Variants in HERPUD2 observed in about 807,000 individuals in gnomAD.
The protein encoded by HERPUD2 is homocysteine-responsive endoplasmic reticulum-resident ubiquitin-like domain member 2 protein.
A neutral mutation model predicts 49.9 loss-of-function variants in HERPUD2; 13 were observed. That is an observed-to-expected ratio of 0.26 (90% CI 0.17 to 0.41). The LOEUF is 0.41. HERPUD2 is among the 10% of genes least tolerant of loss of function. The pLI is 1.00. For missense variants in HERPUD2, 449 were observed against 492.2 expected, an observed-to-expected ratio of 0.91 and a Z score of 0.83; for synonymous variants, 172 against 171.4, an observed-to-expected ratio of 1.00 and a Z score of -0.03.
intron 5 of HERPUD2, among the ~76,000 whole-genome samples, chr7:35,651,129 C>T (rs1785158026): frequency 6.6e-6 from 1 of 152,246 alleles, no homozygotes; most frequent in Non-Finnish European, 1.5e-5. Context: ...CCACCACAGA[C>T]TGCTTGGGAG....
intron 5 of HERPUD2, among the ~76,000 whole-genome samples, chr7:35,657,428 A>T (rs1785298268): frequency 6.6e-6 from 1 of 152,110 alleles, no homozygotes; most frequent in Non-Finnish European, 1.5e-5. Context: ...AAATTAGTAC[A>T]GCCACTATGG....
chr7:35,672,558 G>A (rs566857749), intron 3 of HERPUD2, among the ~76,000 whole-genome samples: 1 of 151,988 alleles, frequency 6.6e-6, no homozygotes, highest in East Asian at 1.9e-4. Flanking sequence ...AAGATCTAAG[G>A]CAAAACAAAG....
chr7:35,686,731 A>AAAC (rs1786058552), intron 2 of HERPUD2, among the ~76,000 whole-genome samples: 1 of 105,330 alleles, frequency 9.5e-6, no homozygotes. Flanking sequence ...AAAAAAAAAA[A>AAAC]AAAAAAAAAA....
Position 35,662,458 on chromosome 7 carries a change from CCT to C in HERPUD2, c.494+4974_494+4975del, listed in dbSNP as rs1004682923. 2.0e-3 allele frequency among the ~76,000 whole-genome samples: 299 copies of C among 152,256 alleles called. 1 individual carries two copies. Among genetic ancestry groups the C allele is most frequent in the African/African-American group, 6.7e-3 (280 of 41,540 alleles). ...AGTTTCAGAAGGAATGGAACCAGCCCCTCTTTGTACCTCTGGTAGAATTCAGC... is the reference window on the plus strand; with the variant it reads ...AGTTTCAGAAGGAATGGAACCAGCCCCTTTGTACCTCTGGTAGAATTCAGC... On this transcript the variant is annotated intron_variant, in intron 5 of 8. Coordinates refer to ENST00000311350, the MANE Select transcript of HERPUD2 (RefSeq NM_022373.5).
chr7:35,673,355 A>G (rs1785684881), intron 2 of HERPUD2, 77 bp from the exon 3 acceptor site: 4 of 1,077,672 alleles, frequency 3.7e-6, no homozygotes, highest in Non-Finnish European at 5.6e-6. Flanking sequence ...ATGCCTAATT[A>G]TGGGTAAAAT....
At position 35,650,239 on chromosome 7, in the gene HERPUD2, G is replaced by A. The variant is rs917850594; in HGVS notation, c.495-11767C>T. Among the ~76,000 whole-genome samples the A allele has an allele frequency of 3.9e-5, 6 of 152,212 alleles. No individual in the cohort carries two copies. The South Asian group carries it at 6.2e-4, about 16-fold the overall frequency. On this transcript the variant is annotated intron_variant, in intron 5 of 8. Coordinates refer to ENST00000311350, the MANE Select transcript of HERPUD2 (RefSeq NM_022373.5). ...TAGAGAAGTGACAGGAAACACCTAC[G>A]GCAAAGAAGGAGAGGGAAGCAAGGC...
intron 2 of HERPUD2, among the ~76,000 whole-genome samples, chr7:35,692,282 A>G (rs1383111095): frequency 6.6e-6 from 1 of 150,764 alleles, no homozygotes; most frequent in Non-Finnish European, 1.5e-5. Context: ...GATAAGGCAG[A>G]CAGGCTTCCC....
intron 5 of HERPUD2, among the ~76,000 whole-genome samples, chr7:35,664,402 T>C (rs962375705): frequency 2.6e-5 from 4 of 152,148 alleles, no homozygotes; most frequent in Admixed American, 6.5e-5. Flanking sequence ...ATCTTTGTGG[T>C]GTTCTCTGTA....
chr7:35,658,189 C>T (rs1422178467), intron 5 of HERPUD2, among the ~76,000 whole-genome samples: 3 of 152,088 alleles, frequency 2.0e-5, no homozygotes, highest in Non-Finnish European at 2.9e-5. Context: ...ACACAAATGG[C>T]ACTGGAGGTC....
At chr7:35,689,007 G>A (rs1314896805) in intron 2 of HERPUD2, among the ~76,000 whole-genome samples, 1 of 152,062 alleles carries the variant, frequency 6.6e-6, no homozygotes, top group Non-Finnish European at 1.5e-5. Context: ...TGGTACACAT[G>A]GCAAACACTT....
In HERPUD2 at chr7:35,633,219, A is replaced by G. The variant is rs1784807836; in HGVS notation, c.*471T>C. The G allele has an allele frequency of 6.6e-6, 1 of 152,240 alleles. No homozygotes were observed. The highest frequency in any genetic ancestry group is 6.6e-5 in the Admixed American group (1 of 15,266). 9.4% of individuals were successfully genotyped at this position (152,240 alleles called of 1,614,324 possible). ...GTAGCTGGGATTACAGGCGCGTGAC[A>G]CCACACCCGGCTAATTTTTTTGTAT... On this transcript the variant is annotated 3_prime_UTR_variant, in exon 9 of 9. Coordinates refer to ENST00000311350, the MANE Select transcript of HERPUD2 (RefSeq NM_022373.5).
At chr7:35,690,326 T>G (rs1187366291) in intron 2 of HERPUD2, among the ~76,000 whole-genome samples, 1 of 152,216 alleles carries the variant, frequency 6.6e-6, no homozygotes, top group African/African-American at 2.4e-5. Flanking sequence ...ACAGCTCAAC[T>G]CCACATCCGA....
chr7:35,665,394 C>T (rs1416317535), intron 5 of HERPUD2, among the ~76,000 whole-genome samples: 3 of 152,218 alleles, frequency 2.0e-5, no homozygotes, highest in Admixed American at 2.0e-4. Context: ...AGCAGGGCTC[C>T]TTGGGCATGG....
rs1029606546 is a variant in HERPUD2 at position 35,667,541 on chromosome 7, G to A, written c.387C>T (p.Thr129=). 6 of 1,613,640 alleles carry A rather than the reference G, an allele frequency of 3.7e-6. No homozygotes were observed. Among genetic ancestry groups the A allele is most frequent in the African/African-American group, 1.3e-5 (1 of 74,878 alleles). The change falls in exon 5 of 9, where the codon ACC becomes ACT. Residue 129 remains threonine, a synonymous_variant. Coordinates refer to ENST00000311350, the MANE Select transcript of HERPUD2 (RefSeq NM_022373.5). ...GSTTPSSGQE[T]LSLAVGSSSE... ...AGGAAGAACCCACAGCTAAAGACAAGGTTTCTTGACCAGATGATGGAGTTG... is the reference window on the plus strand; with the variant it reads ...AGGAAGAACCCACAGCTAAAGACAAAGTTTCTTGACCAGATGATGGAGTTG...
At chr7:35,679,304 T>C (rs1461942292) in intron 2 of HERPUD2, among the ~76,000 whole-genome samples, 1 of 152,334 alleles carries the variant, frequency 6.6e-6, no homozygotes, top group East Asian at 1.9e-4. Flanking sequence ...CTAGCACATA[T>C]TGTATTTAAC....
chr7:35,646,878 G>A (rs1279937365), intron 5 of HERPUD2, among the ~76,000 whole-genome samples: 2 of 151,812 alleles, frequency 1.3e-5, no homozygotes, highest in Non-Finnish European at 2.9e-5. Context: ...TTTTCAGATC[G>A]GCTATACTAG....
intron 5 of HERPUD2, among the ~76,000 whole-genome samples, chr7:35,653,859 G>C (rs1785218796): frequency 6.6e-6 from 1 of 152,170 alleles, no homozygotes; most frequent in Admixed American, 6.5e-5. Context: ...TGTTTGTGGT[G>C]TGTAGTGGTA....
At chr7:35,681,973 G>A (rs1785900945) in intron 2 of HERPUD2, among the ~76,000 whole-genome samples, 1 of 152,058 alleles carries the variant, frequency 6.6e-6, no homozygotes, top group South Asian at 2.1e-4. Context: ...ACTTTAAAGG[G>A]CAAATTTTAC....
At chr7:35,667,274 G>C (rs979446234) in intron 5 of HERPUD2, among the ~76,000 whole-genome samples, 160 bp downstream of exon 5, 2 of 152,194 alleles carry the variant, frequency 1.3e-5, no homozygotes, top group Non-Finnish European at 2.9e-5. Flanking sequence ...TTGAAAAGCA[G>C]TGCTCTTCTT....
Sources: gnomAD v4.1 joint callset for allele counts (sites outside exome capture counted in the v4.1 genomes callset) on GRCh38, gnomAD v4.1.1 for gene constraint, MANE v1.5 for transcripts, NCBI Gene and HGNC (gene_info 2026-07-23, HGNC 2026-07-21) for gene names.